The following TPRG1 variants were observed in gnomAD, a reference collection of about 807,000 sequenced individuals.
The protein encoded by TPRG1 is tumor protein p63-regulated gene 1 protein.
A neutral mutation model predicts 29.3 loss-of-function variants in TPRG1; 29 were observed. The observed-to-expected ratio is 0.99, with a 90% CI of 0.74 to 1.35. The LOEUF (loss-of-function observed/expected upper bound fraction) is 1.35. TPRG1 is among the 40% of genes most tolerant of loss of function. TPRG1 has a pLI of 0.00. For synonymous variants in TPRG1, 130 were observed against 116.8 expected, an observed-to-expected ratio of 1.11 and a Z score of -0.73; for missense variants, 327 against 335.0, an observed-to-expected ratio of 0.98 and a Z score of 0.19.
At chr3:189,281,313 T>A (rs1322499662) in intron 4 of TPRG1, among the ~76,000 whole-genome samples, 3 of 152,076 alleles carry the variant, frequency 2.0e-5, no homozygotes, top group Non-Finnish European at 4.4e-5. Context: ...AATCTCCTAG[T>A]AAACTTAAGG....
At chr3:189,039,552 C>A (rs950275686) in intron 4 of TPRG1, among the ~76,000 whole-genome samples, 1 of 152,216 alleles carries the variant, frequency 6.6e-6, no homozygotes, top group Non-Finnish European at 1.5e-5. Context: ...TCACTGAGTG[C>A]AGACACTTAG....
intron 5 of TPRG1, among the ~76,000 whole-genome samples, chr3:189,316,649 C>T (rs1014843564): frequency 1.3e-5 from 2 of 152,116 alleles, no homozygotes; most frequent in African/African-American, 2.4e-5. Flanking sequence ...AAGAATAATA[C>T]GATGTCCCCC....
chr3:189,193,153 T>TTTTTTTA (rs1731972669), intron 1 of TPRG1, among the ~76,000 whole-genome samples: 2 of 142,534 alleles, frequency 1.4e-5, no homozygotes, highest in African/African-American at 2.6e-5. Context: ...TTTTTTTTTT[T>TTTTTTTA]GAGATGAGGT....
At chr3:189,145,574 A>C (rs1725159926) in intron 3 of TPRG1, among the ~76,000 whole-genome samples, 1 of 152,164 alleles carries the variant, frequency 6.6e-6, no homozygotes, top group Non-Finnish European at 1.5e-5. Context: ...AGGTAGCAAT[A>C]GGGTTGTTTG....
In TPRG1 at chr3:189,302,704, A is replaced by C. The variant is rs140673848; in HGVS notation, c.480-7682A>C. Among the ~76,000 whole-genome samples the C allele has an allele frequency of 1.1e-3, 172 of 152,302 alleles. 2 individuals are homozygous for C. Among genetic ancestry groups the C allele is most frequent in the African/African-American group, 3.9e-3 (164 of 41,568 alleles). ...CTTCTCCTTTGTTCGAAAGTTATTT[A>C]TTGTCAACTTCATTGGATTAGCTTT... On this transcript the variant is annotated intron_variant, in intron 4 of 5. Transcript: ENST00000345063.
At chr3:189,182,302 C>T (rs528638609) in intron 1 of TPRG1, among the ~76,000 whole-genome samples, 89 of 152,324 alleles carry the variant, frequency 5.8e-4, no homozygotes, top group African/African-American at 2.1e-3. Flanking sequence ...ATGAAGAACT[C>T]TTGCTGAGCA....
rs1459648488 is a variant in TPRG1 at position 189,163,087 on chromosome 3, C to T, written c.-10+12215C>T. The stretch of plus-strand genomic sequence containing the variant: ...AGGAGTTCGAGACAAGCCTGGCCAA[C>T]ATGGTGAAACCTGGTCTCTACTAAA... On this transcript the variant is annotated intron_variant, in intron 5 of 6. Coordinates refer to the TPRG1 transcript ENST00000412373. 2.6e-5 allele frequency among the ~76,000 whole-genome samples: 4 copies of T among 152,270 alleles called. 1 individual carries two copies. Among genetic ancestry groups the T allele is most frequent in the East Asian group, 3.9e-4 (2 of 5,176 alleles).
rs890529480 is a variant in TPRG1 at position 189,207,552 on chromosome 3, T to C, written c.168T>C (p.Pro56=). ...SVTESTLYPN[P]YHQPYISRKY... is the part of the protein sequence containing the mutation. ...CCGAATCAACTCTTTACCCCAATCC[T>C]TATCATCAGCCTTATATCTCACGGA... Residue 56 remains proline (P), a synonymous_variant, in exon 2 of 6, where the codon CCT becomes CCC. Transcript: ENST00000345063. 6.2e-7 allele frequency: 1 copy of C among 1,614,052 alleles called. No homozygotes were observed. Among genetic ancestry groups the C allele is most frequent in the Non-Finnish European group, 8.5e-7 (1 of 1,179,946 alleles).
chr3:189,248,274 A>G (rs1453705260), intron 4 of TPRG1, among the ~76,000 whole-genome samples: 1 of 151,810 alleles, frequency 6.6e-6, no homozygotes, highest in Non-Finnish European at 1.5e-5. Context: ...TCAGGTTTGT[A>G]AATATTCACT....
intron 4 of TPRG1, among the ~76,000 whole-genome samples, chr3:189,039,930 G>A (rs1403484589): frequency 1.3e-5 from 2 of 152,020 alleles, no homozygotes. Flanking sequence ...GTCTGCTATG[G>A]AATTCTTCCT....
intron 4 of TPRG1, among the ~76,000 whole-genome samples, chr3:189,068,417 A>G (rs547173233): frequency 1.2e-4 from 18 of 152,346 alleles, no homozygotes; most frequent in Non-Finnish European, 1.6e-4. Context: ...GTGTCCATCA[A>G]CAGATGAATG....
At chr3:189,258,845 C>A (rs945151404) in intron 4 of TPRG1, among the ~76,000 whole-genome samples, 1 of 152,140 alleles carries the variant, frequency 6.6e-6, no homozygotes, top group African/African-American at 2.4e-5. Context: ...ATGGTGGACG[C>A]CCCTCCCCCA....
intron 3 of TPRG1, among the ~76,000 whole-genome samples, chr3:189,231,497 A>G (rs9820421): frequency 0.19 from 28,578 of 152,010 alleles, 2,822 homozygotes; most frequent in Non-Finnish European, 0.23. Context: ...CATCGTCACC[A>G]TCATATTAAT....
intron 5 of TPRG1, among the ~76,000 whole-genome samples, chr3:189,165,301 T>G (rs1212533732): frequency 6.6e-6 from 1 of 151,922 alleles, no homozygotes; most frequent in East Asian, 1.9e-4. Context: ...GTTTTACTGC[T>G]GTTTCCTTAC....
At chr3:189,183,612 T>C (rs1314112219) in intron 1 of TPRG1, among the ~76,000 whole-genome samples, 1 of 152,040 alleles carries the variant, frequency 6.6e-6, no homozygotes, top group African/African-American at 2.4e-5. Flanking sequence ...CCCAGGCACA[T>C]ATTCTCTTTC....
intron 4 of TPRG1, among the ~76,000 whole-genome samples, chr3:189,062,836 G>A (rs1655784233): frequency 2.6e-5 from 4 of 151,854 alleles, no homozygotes; most frequent in Admixed American, 2.6e-4. Flanking sequence ...CCCACAGGAA[G>A]GCAATAAAAG....
intron 5 of TPRG1, among the ~76,000 whole-genome samples, chr3:189,160,244 T>G (rs1047680452): frequency 1.3e-5 from 2 of 152,022 alleles, no homozygotes; most frequent in Admixed American, 6.6e-5. Flanking sequence ...TGACTAGAGA[T>G]TTGATGGGGT....
At chr3:189,124,800 G>T (rs1219126268) in intron 1 of TPRG1, among the ~76,000 whole-genome samples, 1 of 152,210 alleles carries the variant, frequency 6.6e-6, no homozygotes, top group East Asian at 1.9e-4. Flanking sequence ...ATTTGGGAAG[G>T]TCCACTACTG....
intron 1 of TPRG1, among the ~76,000 whole-genome samples, chr3:189,120,946 G>A (rs937188453): frequency 3.9e-5 from 6 of 152,230 alleles, no homozygotes; most frequent in African/African-American, 1.4e-4. Flanking sequence ...AAATAATAAA[G>A]CATTTTATTC....
Sources: allele counts gnomAD v4.1 joint callset (sites outside exome capture counted in the v4.1 genomes callset), GRCh38; gene constraint gnomAD v4.1.1; transcripts MANE v1.5; gene names NCBI Gene and HGNC (gene_info 2026-07-23, HGNC 2026-07-21).